LONP2: variants seen among roughly 807,000 people sequenced by gnomAD.
LONP2 encodes the protein lon peptidase 2, peroxisomal.
In LONP2, 60 loss-of-function variants were observed where a neutral mutation model predicts 85.6. The ratio of observed to expected loss-of-function variants is 0.70; its 90% CI spans 0.57 to 0.87. The LOEUF (loss-of-function observed/expected upper bound fraction) is 0.87. Ranked by LOEUF, LONP2 falls within the 40% of genes least tolerant of loss-of-function variation. The pLI is 0.00. For missense variants in LONP2, 860 were observed against 1,063.5 expected, an observed-to-expected ratio of 0.81 and a Z score of 2.66; for synonymous variants, 395 against 389.7, an observed-to-expected ratio of 1.01 and a Z score of -0.16.
intron 9 of LONP2, among the ~76,000 whole-genome samples, chr16:48,299,439 CA>C (rs1567329826): frequency 6.6e-6 from 1 of 151,676 alleles, no homozygotes. Flanking sequence ...AAAAATCAGC[CA>C]GCGTGGTTGT....
At chr16:48,358,403 G>A (rs180840443), downstream of LONP2, among the ~76,000 whole-genome samples, 1 of 152,322 alleles carries the variant, frequency 6.6e-6, no homozygotes, top group Admixed American at 6.5e-5. Context: ...TAAAATTACA[G>A]TGAATCCTCA....
At chr16:48,307,173 G>C (rs1257610035) in intron 11 of LONP2, among the ~76,000 whole-genome samples, 1 of 152,162 alleles carries the variant, frequency 6.6e-6, no homozygotes, top group Non-Finnish European at 1.5e-5. Flanking sequence ...AGAATTGATC[G>C]ATCTGTGTTA....
chr16:48,328,784 G>T (rs1440266840), intron 11 of LONP2, among the ~76,000 whole-genome samples: 1 of 145,084 alleles, frequency 6.9e-6, no homozygotes, highest in African/African-American at 2.5e-5. Context: ...GGCAGAGGTT[G>T]CAGTGAGCTG....
Position 48,362,773 on chromosome 16 carries a change from T to C in LONP2, c.*910T>C, listed in dbSNP as rs1016487344. 8.8e-6 allele frequency: 2 copies of C among 226,630 alleles called. No homozygotes were observed. The highest frequency in any genetic ancestry group is 2.2e-3 in the Middle Eastern group (1 of 448). 14.0% of individuals were successfully genotyped at this position (226,630 alleles called of 1,614,324 possible). The stretch of plus-strand genomic sequence containing the variant: ...AACTATACAAGGAACTGAAGTTTAA[T>C]CGAATCCGTTTTGCTAGGACTCTCC... On this transcript the variant is annotated 3_prime_UTR_variant, in exon 5 of 5. Transcript: ENST00000565867. The surrounding 1 kb of genome is among the most constrained non-coding windows in gnomAD (Gnocchi z 4.2).
In LONP2 at chr16:48,357,315, G is replaced by C. The variant is rs1455961149; in HGVS notation, c.*5513G>C. 1 of 152,204 alleles carries C rather than the reference G, an allele frequency of 6.6e-6. No individual in the cohort carries two copies. The highest frequency in any genetic ancestry group is 1.5e-5 in the Non-Finnish European group (1 of 68,046). 9.4% of individuals were successfully genotyped at this position (152,204 alleles called of 1,614,324 possible). ...CTTGATAAGGAATTTTGTTTGGATGGTGCCATTTTTAGATAAACGTACGTT... is the reference window on the plus strand; with the variant it reads ...CTTGATAAGGAATTTTGTTTGGATGCTGCCATTTTTAGATAAACGTACGTT... On this transcript the variant is annotated 3_prime_UTR_variant, in exon 15 of 15. Coordinates refer to ENST00000285737, the MANE Select transcript of LONP2 (RefSeq NM_031490.5).
chr16:48,337,305 T>C (rs1959681783), intron 12 of LONP2, among the ~76,000 whole-genome samples: 2 of 152,198 alleles, frequency 1.3e-5, no homozygotes, highest in African/African-American at 4.8e-5. Flanking sequence ...CTGCTCTACA[T>C]CAGATTCTCA....
rs1960261401 is a variant in LONP2, at chr16:48,354,429, A to AAACT, written c.*2628_*2631dup. The AAACT allele has an allele frequency of 1.3e-5, 2 of 151,838 alleles. No homozygotes were observed. Among genetic ancestry groups the AAACT allele is most frequent in the African/African-American group, 4.8e-5 (2 of 41,330 alleles). 9.4% of individuals were successfully genotyped at this position (151,838 alleles called of 1,614,324 possible). On this transcript the variant is annotated 3_prime_UTR_variant, in exon 15 of 15. Transcript: ENST00000285737. ...TCACCATGTTGGCCAGGCTGGTCTCAAACTCCCAACCTCAAATGATCCGGC... is the reference window on the plus strand; with the variant it reads ...TCACCATGTTGGCCAGGCTGGTCTCAAACTAACTCCCAACCTCAAATGATCCGGC...
chr16:48,329,208 A>C (rs886157769), intron 11 of LONP2, among the ~76,000 whole-genome samples: 1 of 152,202 alleles, frequency 6.6e-6, no homozygotes, highest in Non-Finnish European at 1.5e-5. Context: ...ACCTGTGGTC[A>C]ACCATCGTCC....
At chr16:48,361,352 G>C (rs1960585685), downstream of LONP2, 2 of 467,886 alleles carry the variant, frequency 4.3e-6, no homozygotes, top group Non-Finnish European at 7.7e-6. Context: ...GCCCATCTTG[G>C]GTGTATATAC....
chr16:48,244,876 AT>A (rs1338953057), intron 1 of LONP2, among the ~76,000 whole-genome samples: 1 of 152,122 alleles, frequency 6.6e-6, no homozygotes, highest in Non-Finnish European at 1.5e-5. Context: ...GGATAATTTA[AT>A]TTGAATCCTC....
intron 1 of LONP2, among the ~76,000 whole-genome samples, chr16:48,250,752 T>C (rs540877207): frequency 3.3e-5 from 5 of 152,326 alleles, no homozygotes; most frequent in African/African-American, 4.8e-5. Context: ...GTTTAAGTTA[T>C]TCTCTAATCA....
At chr16:48,361,143 T>A (rs895130484), downstream of LONP2, 1 of 165,162 alleles carries the variant, frequency 6.1e-6, no homozygotes, top group Non-Finnish European at 1.3e-5. Context: ...CACTATGTAT[T>A]GACTCACAAA....
chr16:48,285,863 G>A (rs897033023), intron 8 of LONP2, among the ~76,000 whole-genome samples: 2 of 151,808 alleles, frequency 1.3e-5, no homozygotes, highest in Non-Finnish European at 1.5e-5. Context: ...AAGCACATTC[G>A]CATTGTTGTG....
chr16:48,310,767 TG>T (rs1459698911), intron 11 of LONP2, among the ~76,000 whole-genome samples: 1 of 152,060 alleles, frequency 6.6e-6, no homozygotes, highest in Non-Finnish European at 1.5e-5. Context: ...TCATAAAACT[TG>T]TGAGTTTCAT....
intron 2 of LONP2, among the ~76,000 whole-genome samples, chr16:48,255,956 A>T (rs182457198): frequency 9.2e-5 from 14 of 152,304 alleles, no homozygotes; most frequent in Middle Eastern, 3.4e-3. Context: ...ACAAAATGTT[A>T]TACTAAATAT....
intron 11 of LONP2, among the ~76,000 whole-genome samples, chr16:48,310,609 C>T (rs1285702635): frequency 6.6e-6 from 1 of 152,218 alleles, no homozygotes; most frequent in African/African-American, 2.4e-5. Flanking sequence ...GCCTTGGCCT[C>T]CCAAAGTGCT....
At chr16:48,316,507 A>T (rs543982948) in intron 11 of LONP2, among the ~76,000 whole-genome samples, 1 of 150,528 alleles carries the variant, frequency 6.6e-6, no homozygotes, top group South Asian at 2.1e-4. Context: ...TTGTATTTTT[A>T]GTAGAGACGG....
intron 6 of LONP2, 50 bp from the exon 7 acceptor site, chr16:48,269,966 A>G (rs1379941373): frequency 3.2e-6 from 5 of 1,556,212 alleles, no homozygotes; most frequent in Non-Finnish European, 4.3e-6. Context: ...GGAGTTCTTT[A>G]ACTTAAAAAT....
At chr16:48,297,710 T>G (rs940357153) in intron 9 of LONP2, among the ~76,000 whole-genome samples, 1 of 151,368 alleles carries the variant, frequency 6.6e-6, no homozygotes, top group Admixed American at 6.6e-5. Flanking sequence ...TTCTGTTTGT[T>G]TTTTTTTTGA....
Sources: gnomAD v4.1 joint callset for allele counts (sites outside exome capture counted in the v4.1 genomes callset) on GRCh38, gnomAD v4.1.1 for gene constraint, Gnocchi (gnomAD v3.1) non-coding constraint, MANE v1.5 for transcripts, NCBI Gene and HGNC (gene_info 2026-07-23, HGNC 2026-07-21) for gene names.